The following ANKS1B variants were observed in gnomAD, a reference collection of about 807,000 sequenced individuals.
The protein encoded by ANKS1B is ankyrin repeat and sterile alpha motif domain containing 1B.
A neutral mutation model predicts 148.3 loss-of-function variants in ANKS1B; 36 were observed. That is an observed-to-expected ratio of 0.24 (90% CI 0.19 to 0.32). The LOEUF (loss-of-function observed/expected upper bound fraction) is 0.32. Ranked by LOEUF, ANKS1B falls within the 10% of genes least tolerant of loss-of-function variation. The pLI, the probability that ANKS1B is intolerant of heterozygous loss-of-function variation, is 1.00. For synonymous variants in ANKS1B, 542 were observed against 560.8 expected (o/e 0.97, Z 0.47); for missense variants, 1,157 against 1,542.6 (o/e 0.75, Z 4.19).
At chr12:99,777,528 T>C (rs2063771352) in intron 6 of ANKS1B, among the ~76,000 whole-genome samples, 1 of 152,208 alleles carries the variant, frequency 6.6e-6, no homozygotes, top group Admixed American at 6.5e-5. Flanking sequence ...TTATTTTGCT[T>C]TTCCCAAAAG....
chr12:99,939,342 A>G (rs2094859715), intron 1 of ANKS1B, among the ~76,000 whole-genome samples: 1 of 152,102 alleles, frequency 6.6e-6, no homozygotes, highest in Non-Finnish European at 1.5e-5. Flanking sequence ...CTCCCACCTC[A>G]GCCTCCCAAA....
intron 9 of ANKS1B, among the ~76,000 whole-genome samples, chr12:99,504,867 G>A (rs2096691307): frequency 6.6e-6 from 1 of 151,928 alleles, no homozygotes; most frequent in Non-Finnish European, 1.5e-5. Context: ...AATTAGTAAA[G>A]GTATTGCCCT....
intron 12 of ANKS1B, among the ~76,000 whole-genome samples, chr12:99,327,031 TTA>T (rs906552057): frequency 2.9e-5 from 4 of 137,454 alleles, no homozygotes; most frequent in East Asian, 2.0e-4. Flanking sequence ...ATAATAAATA[TTA>T]TATATATTTA....
rs189345418 is a variant in ANKS1B, at chr12:99,794,814, T to C, written c.669+11590A>G. ...ACAACAGGGGCACTATAATCAATAATAATTCAATTGTACATTTAAAAATAA... is the reference window on the plus strand; with the variant it reads ...ACAACAGGGGCACTATAATCAATAACAATTCAATTGTACATTTAAAAATAA... On this transcript the variant is annotated intron_variant, in intron 4 of 26. Coordinates refer to ENST00000683438, the MANE Select transcript of ANKS1B (RefSeq NM_001352186.2). Among the ~76,000 whole-genome samples the C allele has an allele frequency of 2.3e-4, 35 of 152,046 alleles. 1 individual carries two copies. The highest frequency in any genetic ancestry group is 1.1e-3 in the Admixed American group (16 of 15,230).
chr12:98,779,499 T>A (rs2153508118), intron 24 of ANKS1B, among the ~76,000 whole-genome samples: 1 of 152,266 alleles, frequency 6.6e-6, no homozygotes, highest in Non-Finnish European at 1.5e-5. Context: ...TCTGCTAAAG[T>A]TGTTCATCTA....
At chr12:99,255,536 A>G (rs2075155536) in intron 12 of ANKS1B, among the ~76,000 whole-genome samples, 1 of 151,936 alleles carries the variant, frequency 6.6e-6, no homozygotes, top group Admixed American at 6.6e-5. Flanking sequence ...ATTATTTCTT[A>G]TAAAATTTCT....
intron 10 of ANKS1B, among the ~76,000 whole-genome samples, chr12:99,483,453 GTTTTC>G (rs2096444102): frequency 6.6e-6 from 1 of 151,734 alleles, no homozygotes; most frequent in South Asian, 2.1e-4. Context: ...TTAGTCTATA[GTTTTC>G]TTTTTTTTGT....
At chr12:99,329,807 C>T (rs1030075765) in intron 12 of ANKS1B, among the ~76,000 whole-genome samples, 1 of 151,648 alleles carries the variant, frequency 6.6e-6, no homozygotes, top group South Asian at 2.1e-4. Context: ...TCAATTTCTA[C>T]CAGCTGTTTA....
intron 10 of ANKS1B, among the ~76,000 whole-genome samples, chr12:99,491,323 A>C (rs2096553484): frequency 6.6e-6 from 1 of 152,032 alleles, no homozygotes; most frequent in Admixed American, 6.6e-5. Flanking sequence ...AAAAAAGCTT[A>C]ATTGTTAGTA....
intron 16 of ANKS1B, among the ~76,000 whole-genome samples, chr12:99,076,051 C>T (rs2047765190): frequency 6.6e-6 from 1 of 151,914 alleles, no homozygotes; most frequent in Non-Finnish European, 1.5e-5. Flanking sequence ...CTATATTACT[C>T]ATTACTGTAA....
intron 9 of ANKS1B, among the ~76,000 whole-genome samples, chr12:99,535,003 C>T (rs1263130481): frequency 6.6e-6 from 1 of 152,070 alleles, no homozygotes; most frequent in Non-Finnish European, 1.5e-5. Context: ...GCCACCGCGC[C>T]CGGCCCTTTT....
intron 12 of ANKS1B, among the ~76,000 whole-genome samples, chr12:99,311,609 T>C (rs56129477): frequency 0.16 from 23,575 of 152,084 alleles, 2,131 homozygotes; most frequent in African/African-American, 0.26. Flanking sequence ...AGGTGGAATA[T>C]AATTACCCAA....
intron 17 of ANKS1B, among the ~76,000 whole-genome samples, chr12:99,044,024 G>A (rs2099960729): frequency 6.6e-6 from 1 of 152,182 alleles, no homozygotes; most frequent in Admixed American, 6.5e-5. Context: ...AAGACCAAAA[G>A]TATTTCTCCA....
intron 1 of ANKS1B, among the ~76,000 whole-genome samples, chr12:99,926,005 C>A (rs1404751493): frequency 2.6e-5 from 4 of 152,082 alleles, no homozygotes; most frequent in African/African-American, 9.7e-5. Context: ...GCCAGTGGGC[C>A]CCAGATTCAT....
chr12:99,303,558 A>G (rs1228311311), intron 12 of ANKS1B, among the ~76,000 whole-genome samples: 1 of 152,166 alleles, frequency 6.6e-6, no homozygotes, highest in Non-Finnish European at 1.5e-5. Context: ...AACAATAAAT[A>G]TTTCAGTATT....
intron 10 of ANKS1B, among the ~76,000 whole-genome samples, chr12:99,498,501 C>T (rs2096625462): frequency 6.6e-6 from 1 of 152,152 alleles, no homozygotes. Context: ...AATCATGTAG[C>T]ACTTCCTCCC....
At chr12:99,474,326 C>T (rs776511302) in intron 10 of ANKS1B, among the ~76,000 whole-genome samples, 1 of 152,114 alleles carries the variant, frequency 6.6e-6, no homozygotes, top group Non-Finnish European at 1.5e-5. Flanking sequence ...AACCATTTTG[C>T]AATTCTATTC....
chr12:98,803,413 C>A (rs753687797), intron 20 of ANKS1B, among the ~76,000 whole-genome samples: 1 of 152,120 alleles, frequency 6.6e-6, no homozygotes, highest in Non-Finnish European at 1.5e-5. Context: ...AACAACAACA[C>A]GGCAAACAGG....
intron 17 of ANKS1B, among the ~76,000 whole-genome samples, chr12:99,006,754 T>G (rs11836862): frequency 0.17 from 25,377 of 152,198 alleles, 2,316 homozygotes; most frequent in African/African-American, 0.2. Flanking sequence ...GTTAATACAA[T>G]AAAGCTAATA....
Sources: allele counts gnomAD v4.1 joint callset (sites outside exome capture counted in the v4.1 genomes callset), GRCh38; gene constraint gnomAD v4.1.1; transcripts MANE v1.5; gene names NCBI Gene and HGNC (gene_info 2026-07-23, HGNC 2026-07-21).